Variants in METTL15 observed in about 807,000 individuals in gnomAD.
METTL15 encodes the protein 12S rRNA N(4)-cytidine methyltransferase METTL15.
METTL15 carries 34 observed loss-of-function variants against 38.3 expected under a neutral mutation model. The ratio of observed to expected loss-of-function variants is 0.89; its 90% CI spans 0.68 to 1.18. The LOEUF is 1.18. METTL15 is among the 50% of genes most tolerant of loss of function. The pLI is 0.00. For synonymous variants in METTL15, 162 were observed against 170.9 expected, an observed-to-expected ratio of 0.95 and a Z score of 0.41; for missense variants, 438 against 498.4, an observed-to-expected ratio of 0.88 and a Z score of 1.15.
At chr11:28,442,715 T>C (rs1047811642) in intron 6 of METTL15, among the ~76,000 whole-genome samples, 1 of 152,204 alleles carries the variant, frequency 6.6e-6, no homozygotes, top group Non-Finnish European at 1.5e-5. Context: ...GAGTTTCCCC[T>C]GGGAAATCCA....
chr11:28,370,304 A>ATGCGATAT (rs71449176), intron 5 of METTL15, among the ~76,000 whole-genome samples: 2 of 151,012 alleles, frequency 1.3e-5, no homozygotes, highest in Non-Finnish European at 3.0e-5. Flanking sequence ...GAGTGAGAAC[A>ATGCGATAT]TGCAATATTT....
chr11:28,206,398 G>A (rs1852345520), intron 3 of METTL15, among the ~76,000 whole-genome samples: 2 of 152,178 alleles, frequency 1.3e-5, no homozygotes, highest in East Asian at 1.9e-4. Flanking sequence ...TGTCAGGTTT[G>A]TCAAAGATCA....
intron 2 of METTL15, 116 bp from the exon 3 acceptor site, chr11:28,113,202 A>G (rs1165941689): frequency 1.2e-5 from 8 of 673,386 alleles, no homozygotes; most frequent in Non-Finnish European, 1.7e-5. Flanking sequence ...TGTTAGGATC[A>G]TGAGTCTTAA....
At chr11:28,215,261 G>T (rs572775714) in intron 4 of METTL15, among the ~76,000 whole-genome samples, 20 of 152,308 alleles carry the variant, frequency 1.3e-4, no homozygotes, top group Admixed American at 6.5e-4. Context: ...TACACAGAAA[G>T]AAGTGGGGGA....
chr11:28,127,892 T>C (rs1255163852), intron 3 of METTL15, among the ~76,000 whole-genome samples: 1 of 152,178 alleles, frequency 6.6e-6, no homozygotes, highest in Non-Finnish European at 1.5e-5. Flanking sequence ...TCATCTTTGG[T>C]ACATTATTTG....
chr11:28,434,142 C>G (rs570146080), intron 6 of METTL15, among the ~76,000 whole-genome samples: 1 of 152,218 alleles, frequency 6.6e-6, no homozygotes, highest in Admixed American at 6.5e-5. Flanking sequence ...CCATCCTGTT[C>G]TTGTGATAGT....
chr11:28,460,422 A>C (rs574672912), intron 6 of METTL15, among the ~76,000 whole-genome samples: 13 of 152,244 alleles, frequency 8.5e-5, no homozygotes, highest in Admixed American at 2.0e-4. Context: ...TGGGCCTAGC[A>C]CAGAACTGGA....
chr11:28,315,894 A>G (rs1212456738), intron 6 of METTL15, among the ~76,000 whole-genome samples: 2 of 152,180 alleles, frequency 1.3e-5, no homozygotes, highest in Non-Finnish European at 2.9e-5. Context: ...GAAGTCAAGA[A>G]TTGGGGTTTG....
At chr11:28,182,586 G>T (rs1010328091) in intron 3 of METTL15, among the ~76,000 whole-genome samples, 3 of 152,060 alleles carry the variant, frequency 2.0e-5, no homozygotes, top group Non-Finnish European at 4.4e-5. Flanking sequence ...TGTTATTTCT[G>T]AGGGCTCTGT....
chr11:28,115,969 C>G (rs907764818), intron 3 of METTL15, among the ~76,000 whole-genome samples: 6 of 143,740 alleles, frequency 4.2e-5, no homozygotes, highest in African/African-American at 7.6e-5. Flanking sequence ...CACACACAAC[C>G]CTACCGATTT....
At chr11:28,377,260 A>G (rs989051203) in intron 5 of METTL15, among the ~76,000 whole-genome samples, 22 of 150,634 alleles carry the variant, frequency 1.5e-4, no homozygotes, top group East Asian at 1.2e-3. Context: ...AGTGTTTTCC[A>G]ACTTGGTTCC....
chr11:28,117,585 C>A (rs1157678539), intron 3 of METTL15, among the ~76,000 whole-genome samples: 1 of 152,108 alleles, frequency 6.6e-6, no homozygotes, highest in Non-Finnish European at 1.5e-5. Context: ...TGTTCAAGTA[C>A]CTACAAATGT....
Position 28,332,348 on chromosome 11 carries a change from T to A in METTL15, c.*1507T>A, listed in dbSNP as rs1849838815. 6.6e-6 allele frequency: 1 copy of A among 152,200 alleles called. No homozygotes were observed. Among genetic ancestry groups the A allele is most frequent in the African/African-American group, 2.4e-5 (1 of 41,452 alleles). The allele number at this position is 152,200 out of a possible 1,614,324, so 9.4% of individuals were successfully genotyped here. ...TTTGCATATAATACATATTTGTGAA[T>A]GAGACATATTCCCAAAAAATTCTTA... On this transcript the variant is annotated 3_prime_UTR_variant, in exon 7 of 7. Coordinates refer to ENST00000407364, the MANE Select transcript of METTL15 (RefSeq NM_001113528.2).
chr11:28,525,628 C>A (rs1354496975), intron 6 of METTL15, among the ~76,000 whole-genome samples: 1 of 152,192 alleles, frequency 6.6e-6, no homozygotes, highest in Non-Finnish European at 1.5e-5. Context: ...GGTGCATTTA[C>A]AAACCTTGAG....
At chr11:28,127,479 C>A (rs1209962843) in intron 3 of METTL15, among the ~76,000 whole-genome samples, 1 of 152,206 alleles carries the variant, frequency 6.6e-6, no homozygotes, top group East Asian at 1.9e-4. Flanking sequence ...TGTTTTCTGG[C>A]GCCATGAAGC....
At chr11:28,487,824 T>C (rs1274774553) in intron 6 of METTL15, among the ~76,000 whole-genome samples, 1 of 152,118 alleles carries the variant, frequency 6.6e-6, no homozygotes, top group Admixed American at 6.6e-5. Context: ...TTGAATTGCA[T>C]GAAGTATTAG....
rs564061139 is a variant in METTL15 at position 28,515,514 on chromosome 11, A to G, written c.*425-10964A>G. ...CCTATAAGGCAGGAGTTGGTAACTTACAGCCTATGGGCTACATATGGCCCT... is the reference window on the plus strand; with the variant it reads ...CCTATAAGGCAGGAGTTGGTAACTTGCAGCCTATGGGCTACATATGGCCCT... On this transcript the variant is annotated intron_variant and NMD_transcript_variant, in intron 6 of 7. Coordinates refer to the METTL15 transcript ENST00000532947. 3.7e-4 allele frequency among the ~76,000 whole-genome samples: 56 copies of G among 152,348 alleles called. No homozygotes were observed. In the South Asian group the frequency reaches 0.011, roughly 30 times the overall value.
chr11:28,353,143 C>T (rs79051687), intron 4 of METTL15, among the ~76,000 whole-genome samples: 681 of 152,174 alleles, frequency 4.5e-3, no homozygotes, highest in Admixed American at 6.7e-3. Context: ...TGCAGCTCTT[C>T]AGAGTAAGGT....
intron 3 of METTL15, among the ~76,000 whole-genome samples, chr11:28,350,933 T>C (rs1375472843): frequency 1.3e-5 from 2 of 152,150 alleles, no homozygotes; most frequent in Non-Finnish European, 2.9e-5. Flanking sequence ...CCAAGCAACT[T>C]TTCAGAGCAA....
Sources: gnomAD v4.1 joint callset for allele counts (sites outside exome capture counted in the v4.1 genomes callset) on GRCh38, gnomAD v4.1.1 for gene constraint, MANE v1.5 for transcripts, NCBI Gene and HGNC (gene_info 2026-07-23, HGNC 2026-07-21) for gene names.